The following KIAA1549L variants were observed in gnomAD, a reference collection of about 807,000 sequenced individuals.
KIAA1549L encodes the protein KIAA1549 like.
Under a neutral mutation model 160.7 loss-of-function variants are expected in KIAA1549L, and 88 were observed. The ratio of observed to expected loss-of-function variants is 0.55; its 90% CI spans 0.46 to 0.65. The LOEUF is 0.65. KIAA1549L is among the 30% of genes least tolerant of loss of function. The pLI, the probability that KIAA1549L is intolerant of heterozygous loss-of-function variation, is 0.00. For synonymous variants in KIAA1549L, 950 were observed against 976.7 expected (o/e 0.97, Z 0.51); for missense variants, 2,258 against 2,437.5 (o/e 0.93, Z 1.55).
intron 4 of KIAA1549L, among the ~76,000 whole-genome samples, chr11:33,550,173 A>C (rs193159632): frequency 8.5e-5 from 13 of 152,224 alleles, no homozygotes; most frequent in African/African-American, 3.1e-4. Context: ...CACACTAAAA[A>C]ATAGTTAAGA....
At chr11:33,550,626 C>CA (rs749085337) in intron 4 of KIAA1549L, among the ~76,000 whole-genome samples, 38 of 152,270 alleles carry the variant, frequency 2.5e-4, no homozygotes, top group African/African-American at 7.7e-4. Context: ...AAGGTTCCCC[C>CA]ACTTAATCTA....
chr11:33,387,823 T>C (rs1057429970), intron 1 of KIAA1549L, among the ~76,000 whole-genome samples: 1 of 152,128 alleles, frequency 6.6e-6, no homozygotes, highest in Admixed American at 6.6e-5. Flanking sequence ...TCTGTGTCTT[T>C]ACAAGCCATA....
intron 11 of KIAA1549L, among the ~76,000 whole-genome samples, chr11:33,588,365 G>A (rs557629086): frequency 6.6e-6 from 1 of 152,316 alleles, no homozygotes; most frequent in Admixed American, 6.5e-5. Context: ...GGTTCAGCTG[G>A]CATGTGAAGG....
At chr11:33,488,599 C>T (rs1852584082) in intron 1 of KIAA1549L, among the ~76,000 whole-genome samples, 1 of 152,154 alleles carries the variant, frequency 6.6e-6, no homozygotes, top group Non-Finnish European at 1.5e-5. Context: ...ATCATAATCC[C>T]AATTTTGTGG....
At chr11:33,518,922 A>G (rs1388041850) in intron 1 of KIAA1549L, among the ~76,000 whole-genome samples, 1 of 152,236 alleles carries the variant, frequency 6.6e-6, no homozygotes. Flanking sequence ...CTGAAATCCA[A>G]AATGCTCCAT....
chr11:33,513,710 G>T (rs1466257579), intron 1 of KIAA1549L, among the ~76,000 whole-genome samples: 2 of 152,154 alleles, frequency 1.3e-5, no homozygotes, highest in African/African-American at 2.4e-5. Context: ...CGGCTGTGAG[G>T]CCAGAAGTGA....
intron 15 of KIAA1549L, among the ~76,000 whole-genome samples, chr11:33,611,404 G>A (rs555978545): frequency 6.6e-6 from 1 of 152,212 alleles, no homozygotes; most frequent in East Asian, 1.9e-4. Context: ...CAAGCTGGGA[G>A]GTGGGGCTGA....
intron 8 of KIAA1549L, among the ~76,000 whole-genome samples, chr11:33,563,574 C>T (rs890862423): frequency 6.6e-6 from 1 of 152,108 alleles, no homozygotes; most frequent in Non-Finnish European, 1.5e-5. Context: ...CTGGATGAAG[C>T]CTGCTCAAGA....
chr11:33,386,393 A>G (rs1350618209), intron 1 of KIAA1549L, among the ~76,000 whole-genome samples: 1 of 152,252 alleles, frequency 6.6e-6, no homozygotes, highest in African/African-American at 2.4e-5. Flanking sequence ...AACTAAAGAA[A>G]TTCCTGGCCA....
chr11:33,494,372 A>AGAGTG (rs1300095330), intron 1 of KIAA1549L, among the ~76,000 whole-genome samples: 1 of 152,210 alleles, frequency 6.6e-6, no homozygotes, highest in East Asian at 1.9e-4. Flanking sequence ...CCACCAACAC[A>AGAGTG]GAGTGGGGAT....
At chr11:33,400,955 G>T (rs1268717370) in intron 1 of KIAA1549L, among the ~76,000 whole-genome samples, 1 of 152,096 alleles carries the variant, frequency 6.6e-6, no homozygotes, top group Non-Finnish European at 1.5e-5. Flanking sequence ...CTGTCCTTCT[G>T]AACCCAAGGC....
chr11:33,614,564 A>C lies in KIAA1549L; in HGVS notation c.5280-3969A>C, dbSNP rs1179230173. 7.1e-3 allele frequency among the ~76,000 whole-genome samples: 95 copies of C among 13,474 alleles called. 15 individuals are homozygous for C. Among genetic ancestry groups the C allele is most frequent in the African/African-American group, 0.058 (87 of 1,504 alleles). 8.8% of individuals were successfully genotyped at this position (13,474 alleles called of 152,430 possible). The stretch of plus-strand genomic sequence containing the variant: ...TATATATATATATATATATATATAT[A>C]TATATATATATATATATATATTTTT... On this transcript the variant is annotated intron_variant, in intron 15 of 20. Transcript: ENST00000658780.
chr11:33,558,860 A>C (rs538643767), intron 6 of KIAA1549L, among the ~76,000 whole-genome samples: 158 of 149,972 alleles, frequency 1.1e-3, no homozygotes, highest in African/African-American at 3.8e-3. Flanking sequence ...TTTTTGAAGA[A>C]TCTTGCTCTG....
At position 33,645,315 on chromosome 11, in the gene KIAA1549L, C is replaced by T. The variant is rs551929744; in HGVS notation, c.5410-371C>T. Among the ~76,000 whole-genome samples, 143 of 152,186 alleles carry T rather than the reference C, an allele frequency of 9.4e-4. 1 individual carries two copies. The highest frequency in any genetic ancestry group is 3.2e-3 in the African/African-American group (134 of 41,528). On this transcript the variant is annotated intron_variant, in intron 16 of 20. Transcript: ENST00000658780. Reference sequence around the variant, plus strand: ...ATGCTACCCCTCCAGGTGTAGATTACAAGACATTCCAGGGTCTTATACCCT... The same window carrying T: ...ATGCTACCCCTCCAGGTGTAGATTATAAGACATTCCAGGGTCTTATACCCT...
At position 33,408,463 on chromosome 11, in the gene KIAA1549L, T is replaced by G. The variant is rs552986914; in HGVS notation, c.238+31574T>G. On this transcript the variant is annotated intron_variant, in intron 1 of 20. Coordinates refer to ENST00000658780, the MANE Select transcript of KIAA1549L (RefSeq NM_012194.3). ...TATGGCGCTCTCCATAAGTTAGAGA[T>G]ATATATATACATACTCTGTATATGT... Among the ~76,000 whole-genome samples, 249 of 146,944 alleles carry G rather than the reference T, an allele frequency of 1.7e-3. 3 individuals are homozygous for G. Among genetic ancestry groups the G allele is most frequent in the Middle Eastern group, 0.011 (3 of 284 alleles).
chr11:33,414,262 A>G (rs1722889015), intron 1 of KIAA1549L, among the ~76,000 whole-genome samples: 2 of 152,346 alleles, frequency 1.3e-5, no homozygotes, highest in South Asian at 4.1e-4. Context: ...TATGTGCAGT[A>G]TGGATCTAGC....
chr11:33,525,412 G>T (rs1256321451), intron 1 of KIAA1549L, among the ~76,000 whole-genome samples: 1 of 152,140 alleles, frequency 6.6e-6, no homozygotes, highest in East Asian at 1.9e-4. Context: ...AACCCTATAG[G>T]GTCTTCCTAG....
intron 1 of KIAA1549L, among the ~76,000 whole-genome samples, chr11:33,465,295 C>A (rs550560734): frequency 2.6e-5 from 4 of 152,210 alleles, no homozygotes; most frequent in African/African-American, 7.2e-5. Flanking sequence ...CTCAAGTGAT[C>A]CATCTGCCTC....
chr11:33,606,135 A>G (rs996257408), intron 13 of KIAA1549L, among the ~76,000 whole-genome samples: 9 of 152,224 alleles, frequency 5.9e-5, no homozygotes, highest in Non-Finnish European at 1.2e-4. Context: ...AGGAAAAAAA[A>G]AAAGAATGTC....
Sources: allele counts gnomAD v4.1 joint callset (sites outside exome capture counted in the v4.1 genomes callset), GRCh38; gene constraint gnomAD v4.1.1; transcripts MANE v1.5; gene names NCBI Gene and HGNC (gene_info 2026-07-23, HGNC 2026-07-21).